Variants in ATN1 observed in about 807,000 individuals in gnomAD.
ATN1 encodes the protein atrophin-1.
In ATN1, 19 loss-of-function variants were observed where a neutral mutation model predicts 85.8. That is an observed-to-expected ratio of 0.22 (90% CI 0.15 to 0.32). ATN1 has a LOEUF of 0.32. ATN1 is among the 10% of genes least tolerant of loss of function. ATN1 has a pLI of 1.00. For synonymous variants in ATN1, 674 were observed against 657.0 expected, an observed-to-expected ratio of 1.03 and a Z score of -0.39; for missense variants, 1,453 against 1,564.5, an observed-to-expected ratio of 0.93 and a Z score of 1.20.
rs1555143379 is a variant in ATN1 at position 6,934,768 on chromosome 12, C to T, written c.279+190C>T. 6.6e-6 allele frequency among the ~76,000 whole-genome samples: 1 copy of T among 152,214 alleles called. No homozygotes were observed. Among genetic ancestry groups the T allele is most frequent in the South Asian group, 2.1e-4 (1 of 4,828 alleles). The stretch of plus-strand genomic sequence containing the variant: ...AGAGCTTTGACAGACCACCAGATGA[C>T]CAGGCAGGGCCAAAGGGGACCAGAA... On this transcript the variant is annotated intron_variant, in intron 4 of 9. Transcript: ENST00000396684. The surrounding 1 kb of genome is among the most constrained non-coding windows in gnomAD (Gnocchi z 4.5).
intron 1 of ATN1, among the ~76,000 whole-genome samples, chr12:6,929,304 G>A (rs1555142869): frequency 6.6e-6 from 1 of 152,176 alleles, no homozygotes; most frequent in Admixed American, 6.5e-5. Flanking sequence ...CCCTGGAGCT[G>A]TGATCTATAT....
At chr12:6,927,766 A>G (rs1468653386), upstream of ATN1, among the ~76,000 whole-genome samples, 5 of 137,058 alleles carry the variant, frequency 3.6e-5, no homozygotes, top group Non-Finnish European at 7.9e-5. Flanking sequence ...CCCTTCTCCC[A>G]TCCCCCTCTC....
In ATN1 at chr12:6,941,228, C is replaced by T. The variant is rs1282189441; in HGVS notation, c.3359-146C>T. On this transcript the variant is annotated intron_variant, in intron 8 of 9. Transcript: ENST00000396684. This position sits in a 1 kb window ranked among gnomAD's most constrained non-coding sequence, Gnocchi z 5.9. ...TAAGAGGTTCGAATCCCAATTCCAC[C>T]CTACCACTGGCAACTTACAGAACTG... 7.5e-6 allele frequency: 9 copies of T among 1,207,146 alleles called. No homozygotes were observed. Among genetic ancestry groups the T allele is most frequent in the Admixed American group, 2.6e-5 (1 of 38,392 alleles). 74.8% of individuals were successfully genotyped at this position (1,207,146 alleles called of 1,614,324 possible).
Position 6,934,896 on chromosome 12 carries a change from T to C in ATN1, c.279+318T>C, listed in dbSNP as rs1455089426. The stretch of plus-strand genomic sequence containing the variant: ...GTCTTTCTTTTTTATTGTTTTTTTT[T>C]GTTTGTTTGTTTTTGAGACAGTTTC... On this transcript the variant is annotated intron_variant, in intron 4 of 9. Transcript: ENST00000396684. The surrounding 1 kb of genome is among the most constrained non-coding windows in gnomAD (Gnocchi z 4.5). Among the ~76,000 whole-genome samples, 6 of 152,098 alleles carry C rather than the reference T, an allele frequency of 3.9e-5. No homozygotes were observed. The highest frequency in any genetic ancestry group is 8.8e-5 in the Non-Finnish European group (6 of 68,010).
rs138403084 is a variant in ATN1 at position 6,936,963 on chromosome 12, C to T, written c.1696C>T (p.Pro566Ser). The T allele has an allele frequency of 5.6e-6, 9 of 1,613,782 alleles. No individual in the cohort carries two copies. The African/African-American group carries it at 8.0e-5, about 14-fold the overall frequency. Reference sequence around the variant, plus strand: ...CTACAGCCAAGCAGGCCCCAATGGCCCTCCAGTCTCTTCCTCTTCCAACTC... The same window carrying T: ...CTACAGCCAAGCAGGCCCCAATGGCTCTCCAGTCTCTTCCTCTTCCAACTC... ...VSYSQAGPNGPPVSSSSNSSS... is the reference protein window; with the variant it reads ...VSYSQAGPNGSPVSSSSNSSS... The change falls in exon 5 of 10, where the codon CCT becomes TCT. Residue 566 changes from proline (P) to serine (S), a missense_variant. Physicochemically the swap from Pro to Ser is moderately conservative, Grantham distance 74 (BLOSUM62 -1). Coordinates refer to ENST00000396684, the MANE Select transcript of ATN1 (RefSeq NM_001940.4).
chr12:6,936,432 A>G lies in ATN1; in HGVS notation c.1165A>G (p.Ser389Gly), dbSNP rs376473719. 1.2e-6 allele frequency: 2 copies of G among 1,610,564 alleles called. No individual in the cohort carries two copies. The highest frequency in any genetic ancestry group is 2.2e-5 in the East Asian group (1 of 44,758). The change falls in exon 5 of 10, where the codon AGT becomes GGT. Residue 389 changes from serine to glycine, a missense_variant. Around this residue, in one of 6 missense-constraint regions of ATN1, gnomAD observed 990 missense variants for 914.8 expected, o/e 1.08. Transcript: ENST00000396684. The part of the protein sequence containing the change: ...SSSSAAASSS[S>G]SSSSSSASPF... ...TAGCTCTGCAGCAGCCTCCTCTTCCAGTTCTTCCTCCTCTTCCTCTGCCTC... is the reference window on the plus strand; with the variant it reads ...TAGCTCTGCAGCAGCCTCCTCTTCCGGTTCTTCCTCCTCTTCCTCTGCCTC...
upstream of ATN1, among the ~76,000 whole-genome samples, chr12:6,926,928 C>A (rs1555142620): frequency 1.3e-5 from 2 of 152,074 alleles, no homozygotes; most frequent in Non-Finnish European, 2.9e-5. Context: ...GGAGCCCCCA[C>A]CCCCAGGATC....
chr12:6,932,876 G>C (rs782684100), intron 1 of ATN1, among the ~76,000 whole-genome samples: 1 of 152,192 alleles, frequency 6.6e-6, no homozygotes, highest in Non-Finnish European at 1.5e-5. Flanking sequence ...TACCTACTCT[G>C]ATGTGAGAAA....
chr12:6,935,822 C>G lies in ATN1; in HGVS notation c.555C>G (p.Pro185=). 6.2e-7 allele frequency: 1 copy of G among 1,613,934 alleles called. No homozygotes were observed. The highest frequency in any genetic ancestry group is 8.5e-7 in the Non-Finnish European group (1 of 1,179,878). Residue 185 remains proline, a synonymous_variant, in exon 5 of 10, where the codon CCC becomes CCG. Coordinates refer to ENST00000396684, the MANE Select transcript of ATN1 (RefSeq NM_001940.4). This position sits in a 1 kb window ranked among gnomAD's most constrained non-coding sequence, Gnocchi z 5.3. ...TPRQPEASFE[P]HPSVTPTGYH... ...GACAGCCAGAGGCTAGCTTTGAACC[C>G]CATCCTTCTGTGACACCCACTGGAT...
At chr12:6,940,311 A>T (rs781825640) in intron 7 of ATN1, among the ~76,000 whole-genome samples, 1 of 128,356 alleles carries the variant, frequency 7.8e-6, no homozygotes, top group Non-Finnish European at 1.7e-5. Flanking sequence ...TTTTGCCCAG[A>T]CTGGAGTGCA....
At chr12:6,940,746 A>C (rs1482627923) in intron 7 of ATN1, 134 bp from the exon 8 acceptor site, 7 of 1,104,798 alleles carry the variant, frequency 6.3e-6, no homozygotes, top group Admixed American at 1.8e-5. Flanking sequence ...TAGTTCTTCC[A>C]CTCTGCCTTT....
In ATN1 at chr12:6,933,549, T is replaced by C. The variant is rs1401242472; in HGVS notation, c.-162-291T>C. ...AATGTGTGTGTTCACAAATATCCTT[T>C]AGGGATCATGAAGGGTAAACTGTGT... On this transcript the variant is annotated intron_variant, in intron 1 of 9. Coordinates refer to ENST00000396684, the MANE Select transcript of ATN1 (RefSeq NM_001940.4). Among the ~76,000 whole-genome samples the C allele has an allele frequency of 2.6e-5, 4 of 152,334 alleles. No homozygotes were observed. The South Asian group carries it at 6.2e-4, about 24-fold the overall frequency.
chr12:6,935,400 T>G lies in ATN1; in HGVS notation c.280-147T>G. On this transcript the variant is annotated intron_variant, in intron 4 of 9. Coordinates refer to ENST00000396684, the MANE Select transcript of ATN1 (RefSeq NM_001940.4). This position sits in a 1 kb window ranked among gnomAD's most constrained non-coding sequence, Gnocchi z 5.3. ...GTGAGGAAAGTGAGAAATCCCCAGA[T>G]GGTAAGAGGTGGGCTTGAGCAAGAG... is the stretch of plus-strand genomic sequence containing the variant. The G allele has an allele frequency of 1.2e-6, 1 of 848,132 alleles. No individual in the cohort carries two copies. Among genetic ancestry groups the G allele is most frequent in the Non-Finnish European group, 1.8e-6 (1 of 570,640 alleles). The allele number at this position is 848,132 out of a possible 1,614,324, so 52.5% of individuals were successfully genotyped here.
In ATN1 at chr12:6,933,991, C is replaced by T; in HGVS notation, c.-11C>T. 1 of 1,602,108 alleles carries T rather than the reference C, an allele frequency of 6.2e-7. No homozygotes were observed. The highest frequency in any genetic ancestry group is 8.5e-7 in the Non-Finnish European group (1 of 1,174,466). ...CAGGCAGAGGAGAATGGGGTCTCCA[C>T]AGCCTGAAGAATGAAGACACGACAG... On this transcript the variant is annotated 5_prime_UTR_variant, in exon 2 of 10. The change creates a premature stop within an existing upstream ORF in the 5' untranslated region. Coordinates refer to ENST00000396684, the MANE Select transcript of ATN1 (RefSeq NM_001940.4).
At chr12:6,929,280 G>T (rs769297841) in intron 1 of ATN1, among the ~76,000 whole-genome samples, 139 of 152,202 alleles carry the variant, frequency 9.1e-4, no homozygotes, top group Middle Eastern at 3.4e-3. Flanking sequence ...TCCAATTTCC[G>T]GAGCGTCCGC....
In ATN1 at chr12:6,934,628, TCA is replaced by T; in HGVS notation, c.279+51_279+52del. The stretch of plus-strand genomic sequence containing the variant: ...GACCCATCTTGTGACCATTCTTTTC[TCA>T]GACTTGCTTATGCTCACTATTCTTA... On this transcript the variant is annotated intron_variant, in intron 4 of 9. Coordinates refer to ENST00000396684, the MANE Select transcript of ATN1 (RefSeq NM_001940.4). The surrounding 1 kb of genome is among the most constrained non-coding windows in gnomAD (Gnocchi z 4.5). 7.4e-7 allele frequency: 1 copy of T among 1,354,272 alleles called. No homozygotes were observed. The highest frequency in any genetic ancestry group is 1.0e-6 in the Non-Finnish European group (1 of 967,740). 83.9% of individuals were successfully genotyped at this position (1,354,272 alleles called of 1,614,324 possible).
In ATN1 at chr12:6,941,485, A is replaced by G. The variant is rs1691369499; in HGVS notation, c.3470A>G (p.Gln1157Arg). The G allele has an allele frequency of 1.2e-6, 2 of 1,612,768 alleles. No homozygotes were observed. The highest frequency in any genetic ancestry group is 2.7e-5 in the African/African-American group (2 of 74,940). ...GAGCTGCAGCGCTTGGCGCTGGAAC[A>G]GCAGCAGTGGCTGCATGCCCATCAC... ...SAELQRLALE[Q>R]QQWLHAHHPL... is the part of the protein sequence containing the mutation. Residue 1157 changes from glutamine to arginine, a missense_variant, in exon 9 of 10, where the codon CAG becomes CGG. Physicochemically the swap from Gln to Arg is conservative, Grantham distance 43. Around this residue, in one of 6 missense-constraint regions of ATN1, gnomAD observed 118 missense variants for 163.7 expected, o/e 0.72. Transcript: ENST00000396684. The surrounding 1 kb of genome is among the most constrained non-coding windows in gnomAD (Gnocchi z 5.9).
At chr12:6,940,793 GT>G in intron 7 of ATN1, 86 bp from the exon 8 acceptor site, 1 of 1,536,378 alleles carries the variant, frequency 6.5e-7, no homozygotes, top group Non-Finnish European at 9.0e-7. Context: ...GTCTGACTCA[GT>G]TCCCAGGCTT....
In ATN1 at chr12:6,941,339, G is replaced by T; in HGVS notation, c.3359-35G>T. Reference sequence around the variant, plus strand: ...GGTCCAGAGCAGGTACTTGTTATCCGTTGGTCATATGCCCCTTGCCCTTCC... The same window carrying T: ...GGTCCAGAGCAGGTACTTGTTATCCTTTGGTCATATGCCCCTTGCCCTTCC... On this transcript the variant is annotated intron_variant, in intron 8 of 9. Coordinates refer to ENST00000396684, the MANE Select transcript of ATN1 (RefSeq NM_001940.4). The surrounding 1 kb of genome is among the most constrained non-coding windows in gnomAD (Gnocchi z 5.9). 1.3e-6 allele frequency: 2 copies of T among 1,557,142 alleles called. No homozygotes were observed. The highest frequency in any genetic ancestry group is 1.7e-6 in the Non-Finnish European group (2 of 1,152,694).
Sources: allele counts gnomAD v4.1 joint callset (sites outside exome capture counted in the v4.1 genomes callset), GRCh38; gene constraint gnomAD v4.1.1; regional missense constraint gnomAD v4.1.1; non-coding constraint Gnocchi (gnomAD v3.1); transcripts MANE v1.5; gene names NCBI Gene and HGNC (gene_info 2026-07-23, HGNC 2026-07-21).